Variants in POLR3G observed in about 807,000 individuals in gnomAD.
POLR3G encodes the protein DNA-directed RNA polymerase III subunit RPC7.
POLR3G carries 28 observed loss-of-function variants against 30.1 expected under a neutral mutation model. The observed-to-expected ratio is 0.93, with a 90% CI of 0.69 to 1.27. The LOEUF (loss-of-function observed/expected upper bound fraction) is 1.27, where lower values mean the gene tolerates loss of function less well. Among genes scored for constraint, POLR3G ranks in the 50% most tolerant of loss-of-function variants. The pLI is 0.00. For missense variants in POLR3G, 254 were observed against 264.6 expected, an observed-to-expected ratio of 0.96 and a Z score of 0.28; for synonymous variants, 79 against 82.5, an observed-to-expected ratio of 0.96 and a Z score of 0.23.
At chr5:90,495,428 A>C (rs1013072721) in intron 3 of POLR3G, among the ~76,000 whole-genome samples, 1 of 152,194 alleles carries the variant, frequency 6.6e-6, no homozygotes, top group African/African-American at 2.4e-5. Context: ...GGGTTCCTGC[A>C]GAGTTTTCAG....
At chr5:90,496,815 T>C (rs899993713) in intron 4 of POLR3G, among the ~76,000 whole-genome samples, 1 of 152,212 alleles carries the variant, frequency 6.6e-6, no homozygotes, top group Non-Finnish European at 1.5e-5. Context: ...GTTGGTAAGG[T>C]TGGGGCACCC....
chr5:90,498,601 CTT>C (rs1561255199), intron 5 of POLR3G, among the ~76,000 whole-genome samples: 4 of 152,142 alleles, frequency 2.6e-5, no homozygotes, highest in Admixed American at 1.3e-4. Context: ...CTAAGAAAGA[CTT>C]TTCAATTATT....
At chr5:90,489,079 CCTCT>C (rs1381540022) in intron 3 of POLR3G, among the ~76,000 whole-genome samples, 2 of 152,014 alleles carry the variant, frequency 1.3e-5, no homozygotes. Context: ...TTCCATTTTT[CCTCT>C]CTCTCTAGAA....
intron 7 of POLR3G, among the ~76,000 whole-genome samples, chr5:90,508,295 T>G (rs1047972403): frequency 1.3e-5 from 2 of 152,098 alleles, no homozygotes; most frequent in African/African-American, 2.4e-5. Flanking sequence ...TCATGTCCTC[T>G]GCCTTCAAAC....
intron 3 of POLR3G, among the ~76,000 whole-genome samples, chr5:90,491,275 G>A (rs180884350): frequency 1.3e-5 from 2 of 152,290 alleles, no homozygotes; most frequent in African/African-American, 4.8e-5. Flanking sequence ...TATTATTTTA[G>A]TGAATTTTAG....
At chr5:90,484,118 G>A (rs1751289433) in intron 1 of POLR3G, among the ~76,000 whole-genome samples, 1 of 152,186 alleles carries the variant, frequency 6.6e-6, no homozygotes, top group Non-Finnish European at 1.5e-5. Flanking sequence ...CACCCCAAGA[G>A]ATCTGGATTG....
chr5:90,482,935 G>A (rs1447985955), intron 1 of POLR3G, among the ~76,000 whole-genome samples: 1 of 152,178 alleles, frequency 6.6e-6, no homozygotes, highest in African/African-American at 2.4e-5. Context: ...GAAGTTGGGA[G>A]TTCAAGACCA....
At chr5:90,492,199 T>C (rs937672765) in intron 3 of POLR3G, among the ~76,000 whole-genome samples, 1 of 152,214 alleles carries the variant, frequency 6.6e-6, no homozygotes, top group Non-Finnish European at 1.5e-5. Flanking sequence ...GTGTCTTCAA[T>C]GAATTTTCTC....
At chr5:90,505,070 G>C (rs1752422522) in intron 6 of POLR3G, among the ~76,000 whole-genome samples, 1 of 152,088 alleles carries the variant, frequency 6.6e-6, no homozygotes, top group Admixed American at 6.5e-5. Flanking sequence ...TGTTGTCTTT[G>C]ATTTCCTTAA....
chr5:90,475,592 G>A lies in POLR3G; in HGVS notation c.-44+572G>A, dbSNP rs539781805. On this transcript the variant is annotated intron_variant, in intron 1 of 7. Transcript: ENST00000651687. ...AAGAAAAGGAGCACCTGGTGAGGAC[G>A]GGAAAAGTGAATAATGACTGGGTGT... Among the ~76,000 whole-genome samples the A allele has an allele frequency of 9.9e-5, 15 of 152,134 alleles. No individual in the cohort carries two copies. The South Asian group carries it at 1.7e-3, about 17-fold the overall frequency.
intron 6 of POLR3G, among the ~76,000 whole-genome samples, chr5:90,503,382 T>C (rs182011536): frequency 6.6e-6 from 1 of 152,196 alleles, no homozygotes; most frequent in Non-Finnish European, 1.5e-5. Context: ...AGAGTACTGA[T>C]GAAGGAGCAG....
intron 7 of POLR3G, among the ~76,000 whole-genome samples, chr5:90,511,256 A>T (rs932801443): frequency 3.9e-5 from 6 of 152,204 alleles, no homozygotes; most frequent in Non-Finnish European, 8.8e-5. Context: ...TATCATTATA[A>T]CACCCCATAC....
In POLR3G at chr5:90,504,356, C is replaced by T. The variant is rs574098246; in HGVS notation, c.439-2172C>T. ...CGGGTGGATCATGAGGTCAGGAGAT[C>T]GAGACCATCCTGGCTAACACAGTGA... is the stretch of plus-strand genomic sequence containing the variant. On this transcript the variant is annotated intron_variant, in intron 6 of 7. Transcript: ENST00000651687. Among the ~76,000 whole-genome samples the T allele has an allele frequency of 5.9e-5, 9 of 151,922 alleles. No homozygotes were observed. The East Asian group carries it at 1.4e-3, about 23-fold the overall frequency.
intron 3 of POLR3G, among the ~76,000 whole-genome samples, chr5:90,495,350 T>C (rs539237897): frequency 6.6e-6 from 1 of 152,324 alleles, no homozygotes; most frequent in African/African-American, 2.4e-5. Context: ...GGGTGTTTCT[T>C]GTGATAAGGT....
At chr5:90,495,773 G>A (rs1346994560) in intron 4 of POLR3G, 40 bp downstream of exon 4, 2 of 1,544,692 alleles carry the variant, frequency 1.3e-6, no homozygotes, top group East Asian at 2.4e-5. Flanking sequence ...GTTTTTAAAG[G>A]CTGTCTCTCT....
intron 1 of POLR3G, among the ~76,000 whole-genome samples, chr5:90,482,698 G>A (rs1038461571): frequency 1.3e-5 from 2 of 152,132 alleles, no homozygotes; most frequent in African/African-American, 4.8e-5. Flanking sequence ...TACCCAGATC[G>A]ATTAACTGAC....
intron 3 of POLR3G, among the ~76,000 whole-genome samples, chr5:90,493,660 T>C (rs1751842820): frequency 7.1e-6 from 1 of 140,854 alleles, no homozygotes. Context: ...AGTTGTGCAA[T>C]CAACACCACT....
chr5:90,486,252 GTC>G (rs1751434447), intron 2 of POLR3G, among the ~76,000 whole-genome samples: 1 of 152,166 alleles, frequency 6.6e-6, no homozygotes, highest in Non-Finnish European at 1.5e-5. Context: ...CACACAAGGA[GTC>G]TCTGCGTTTT....
At chr5:90,500,400 G>A (rs529809457) in intron 5 of POLR3G, among the ~76,000 whole-genome samples, 50 of 152,122 alleles carry the variant, frequency 3.3e-4, no homozygotes, top group African/African-American at 1.2e-3. Flanking sequence ...ATATTCTCTA[G>A]TATCCCTTCA....
Sources: gnomAD v4.1 joint callset for allele counts (sites outside exome capture counted in the v4.1 genomes callset) on GRCh38, gnomAD v4.1.1 for gene constraint, MANE v1.5 for transcripts, NCBI Gene and HGNC (gene_info 2026-07-23, HGNC 2026-07-21) for gene names.